The following ZNF668 variants were observed in gnomAD, a reference collection of about 807,000 sequenced individuals.
The protein encoded by ZNF668 is zinc finger protein 668.
In ZNF668, 10 loss-of-function variants were observed where a neutral mutation model predicts 40.3. The ratio of observed to expected loss-of-function variants is 0.25; its 90% CI spans 0.15 to 0.42. The LOEUF is 0.42. Among genes scored for constraint, ZNF668 ranks in the 10% least tolerant of loss-of-function variants. The probability of loss-of-function intolerance (pLI) is 1.00; values close to 1 mark genes in which losing one functional copy is unlikely to be tolerated. For synonymous variants in ZNF668, 428 were observed against 384.6 expected (o/e 1.11, Z -1.32); for missense variants, 749 against 904.6 (o/e 0.83, Z 2.21).
intron 1 of ZNF668, among the ~76,000 whole-genome samples, chr16:31,068,605 A>G (rs2056995986): frequency 6.9e-6 from 1 of 144,672 alleles, no homozygotes. Flanking sequence ...TCCAGCCAAT[A>G]CTTTTGTTTG....
chr16:31,071,409 C>T (rs149942001), intron 1 of ZNF668, among the ~76,000 whole-genome samples: 3,493 of 152,098 alleles, frequency 0.023, 135 homozygotes, highest in African/African-American at 0.08. Flanking sequence ...TCAAGTGATC[C>T]GACCGCCTCA....
Position 31,061,045 on chromosome 16 carries a change from G to T in ZNF668, c.*23C>A. 6.8e-7 allele frequency: 1 copy of T among 1,460,354 alleles called. No homozygotes were observed. The allele number at this position is 1,460,354 out of a possible 1,614,324, so 90.5% of individuals were successfully genotyped here. On this transcript the variant is annotated 3_prime_UTR_variant, in exon 3 of 3. Transcript: ENST00000300849. This position sits in a 1 kb window ranked among gnomAD's most constrained non-coding sequence, Gnocchi z 7.7. ...CCGATGGGGGCTGGGCTCCCGGAGT[G>T]TGGTGCTGGGGGGTCATGGGCTTCA... is the stretch of plus-strand genomic sequence containing the variant.
At position 31,061,653 on chromosome 16, in the gene ZNF668, T is replaced by C; in HGVS notation, c.1275A>G (p.Ala425=). 6.2e-7 allele frequency: 1 copy of C among 1,612,918 alleles called. No individual in the cohort carries two copies. Among genetic ancestry groups the C allele is most frequent in the Non-Finnish European group, 8.5e-7 (1 of 1,179,908 alleles). Residue 425 remains alanine (A), a synonymous_variant, in exon 3 of 3, where the codon GCA becomes GCG. Transcript: ENST00000300849. This position sits in a 1 kb window ranked among gnomAD's most constrained non-coding sequence, Gnocchi z 7.7. Reference sequence around the variant, plus strand: ...GCGCCAACCCCACCACCAGCTCCTGTGCAGGGGGCACACCCGCGGCCTCAC... The same window carrying C: ...GCGCCAACCCCACCACCAGCTCCTGCGCAGGGGGCACACCCGCGGCCTCAC... The part of the protein sequence containing the change: ...RSSEAAGVPP[A]QELVVGLALP...
Position 31,072,022 on chromosome 16 carries a change from G to A in ZNF668, c.-23+1637C>T, listed in dbSNP as rs78661112. On this transcript the variant is annotated intron_variant, in intron 1 of 2. Transcript: ENST00000300849. ...AATGACGTCATAAGGGTATGGCCCT[G>A]GTCCAGTAGGATTAGCGTTCTTATG... is the stretch of plus-strand genomic sequence containing the variant. Among the ~76,000 whole-genome samples the A allele has an allele frequency of 4.6e-3, 694 of 152,266 alleles. 6 individuals carry two copies. The highest frequency in any genetic ancestry group is 0.016 in the African/African-American group (675 of 41,534).
intron 1 of ZNF668, among the ~76,000 whole-genome samples, chr16:31,068,603 A>G (rs897047373): frequency 6.7e-6 from 1 of 148,492 alleles, no homozygotes; most frequent in Admixed American, 6.8e-5. Context: ...ATTCCAGCCA[A>G]TACTTTTGTT....
At chr16:31,069,482 T>C (rs972168489) in intron 1 of ZNF668, among the ~76,000 whole-genome samples, 1 of 152,152 alleles carries the variant, frequency 6.6e-6, no homozygotes, top group Non-Finnish European at 1.5e-5. Context: ...TTTTTTGGTG[T>C]TATTTGGATC....
chr16:31,072,354 A>C (rs570196026), intron 1 of ZNF668, among the ~76,000 whole-genome samples: 27 of 152,318 alleles, frequency 1.8e-4, no homozygotes, highest in African/African-American at 6.3e-4. Context: ...GTTTGTGAGA[A>C]TGTCCACCAA....
chr16:31,067,656 T>C (rs371717792), intron 1 of ZNF668, among the ~76,000 whole-genome samples: 2 of 152,192 alleles, frequency 1.3e-5, no homozygotes, highest in African/African-American at 4.8e-5. Context: ...CTGGGTGTGC[T>C]GGTTTATTTA....
intron 1 of ZNF668, chr16:31,072,923 T>A (rs1055901803): frequency 6.6e-6 from 1 of 152,308 alleles, no homozygotes; most frequent in Non-Finnish European, 1.5e-5. Context: ...CCCTCAGGAA[T>A]ACTTTATGGC....
At chr16:31,066,353 A>G in intron 1 of ZNF668, 1 of 985,404 alleles carries the variant, frequency 1.0e-6, no homozygotes, top group Non-Finnish European at 1.2e-6. Context: ...CAATCCCACA[A>G]AACTCCATCT....
intron 1 of ZNF668, among the ~76,000 whole-genome samples, chr16:31,070,343 A>C (rs1398579726): frequency 1.3e-5 from 2 of 149,336 alleles, no homozygotes; most frequent in South Asian, 2.1e-4. Context: ...GAGTAGCTGG[A>C]ATTATAGGCG....
At chr16:31,068,240 ATAT>A (rs1187567067) in intron 1 of ZNF668, among the ~76,000 whole-genome samples, 1,848 of 68,594 alleles carry the variant, frequency 0.027, 145 homozygotes, top group African/African-American at 0.11. Context: ...AAAAAAAAAA[ATAT>A]ATATATATAT....
At chr16:31,072,833 TCCTGGGCTCGGGGAGCCCTTG>T (rs2057025887) in intron 1 of ZNF668, 2 of 152,366 alleles carry the variant, frequency 1.3e-5, no homozygotes, top group South Asian at 4.1e-4. Context: ...AGATGCAGTT[TCCTGGGCTCGGGGAGCCCTTG>T]CCTGCCTTCT....
Position 31,063,830 on chromosome 16 carries a change from G to T in ZNF668, c.630C>A (p.Asp210Glu). 6.3e-7 allele frequency: 1 copy of T among 1,577,782 alleles called. No homozygotes were observed. ...ACCCTCACCGCTCATGGTTGCGGAG[G>T]TCCTTGAGCTCCGCATAGGCTTTGC... Reference protein sequence around the residue: ...RCGKAYAELKDLRNHERSHTG... With the variant: ...RCGKAYAELKELRNHERSHTG... Residue 210 changes from aspartate (D) to glutamate (E), a missense_variant, in exon 2 of 3, where the codon GAC (aspartate) becomes GAA (glutamate). Transcript: ENST00000300849.
rs2056924689 is a variant in ZNF668, at chr16:31,061,524, A to G, written c.1404T>C (p.Gly468=). Residue 468 remains glycine, a synonymous_variant, in exon 3 of 3, where the codon GGT becomes GGC. Transcript: ENST00000300849. This position sits in a 1 kb window ranked among gnomAD's most constrained non-coding sequence, Gnocchi z 7.7. ...CCACCTGCCACTGTGTGGCCATCAC[A>G]CCACCTGACTCCGGGGGCAGCCCTA... ...GLLGLPPESG[G]VMATQWQVVG... 6.2e-7 allele frequency: 1 copy of G among 1,611,884 alleles called. No homozygotes were observed. The highest frequency in any genetic ancestry group is 1.3e-5 in the African/African-American group (1 of 74,934).
In ZNF668 at chr16:31,061,352, A is replaced by T; in HGVS notation, c.1576T>A (p.Ser526Thr). ...FVCRECKETF[S>T]TMTLLRRHER... ...TGCCGACGCAGCAGCGTCATTGTGG[A>T]GAAGGTCTCCTTGCACTCTCGGCAC... is the stretch of plus-strand genomic sequence containing the variant. Residue 526 changes from serine to threonine, a missense_variant, in exon 3 of 3, where the codon TCC (serine) becomes ACC (threonine). By Grantham distance (58) the Ser-to-Thr change is moderately conservative (BLOSUM62 1). Coordinates refer to ENST00000300849, the MANE Select transcript of ZNF668 (RefSeq NM_024706.5). This position sits in a 1 kb window ranked among gnomAD's most constrained non-coding sequence, Gnocchi z 7.7. 6.2e-7 allele frequency: 1 copy of T among 1,611,102 alleles called. No individual in the cohort carries two copies. Among genetic ancestry groups the T allele is most frequent in the Non-Finnish European group, 8.5e-7 (1 of 1,178,284 alleles).
chr16:31,064,041 A>G lies in ZNF668; in HGVS notation c.419T>C (p.Phe140Ser). 1.2e-6 allele frequency: 2 copies of G among 1,605,126 alleles called. No homozygotes were observed. The highest frequency in any genetic ancestry group is 1.7e-6 in the Non-Finnish European group (2 of 1,174,354). ...GGCCTTCGGGCAGTGCGCACAGCGG[A>G]AGGGCAGTTCGCCAGCGTGCGAGGC... ...HLASHAGELP[F>S]RCAHCPKAYG... The change falls in exon 2 of 3, where the codon TTC (phenylalanine) becomes TCC (serine). Residue 140 changes from phenylalanine (F) to serine (S), a missense_variant. By Grantham distance (155) the Phe-to-Ser change is radical. Coordinates refer to ENST00000300849, the MANE Select transcript of ZNF668 (RefSeq NM_024706.5).
At chr16:31,065,278 C>A (rs1047527125) in intron 1 of ZNF668, among the ~76,000 whole-genome samples, 45 of 152,248 alleles carry the variant, frequency 3.0e-4, no homozygotes, top group African/African-American at 1.0e-3. Context: ...GTCCAGAACC[C>A]AGACGCCCTC....
At chr16:31,069,132 G>A (rs1303242529) in intron 1 of ZNF668, 1 of 152,052 alleles carries the variant, frequency 6.6e-6, no homozygotes, top group Non-Finnish European at 1.5e-5. Flanking sequence ...ACTGCTCCCA[G>A]GAAAAAGACC....
Sources: gnomAD v4.1 joint callset for allele counts (sites outside exome capture counted in the v4.1 genomes callset) on GRCh38, gnomAD v4.1.1 for gene constraint, Gnocchi (gnomAD v3.1) non-coding constraint, MANE v1.5 for transcripts, NCBI Gene and HGNC (gene_info 2026-07-23, HGNC 2026-07-21) for gene names.